The following LNP1 variants were observed in gnomAD, a reference collection of about 807,000 sequenced individuals.
LNP1 encodes the protein leukemia NUP98 fusion partner 1.
LNP1 carries 12 observed loss-of-function variants against 14.5 expected under a neutral mutation model. The ratio of observed to expected loss-of-function variants is 0.83; its 90% CI spans 0.53 to 1.34. LNP1 has a LOEUF of 1.34. Among genes scored for constraint, LNP1 ranks in the 40% most tolerant of loss-of-function variants. LNP1 has a pLI of 0.00. For synonymous variants in LNP1, 75 were observed against 71.4 expected (o/e 1.05, Z -0.26); for missense variants, 198 against 210.9 (o/e 0.94, Z 0.38).
Position 100,434,462 on chromosome 3 carries a change from T to C in LNP1, c.156+4577T>C, listed in dbSNP as rs574874347. On this transcript the variant is annotated intron_variant, in intron 2 of 3. Coordinates refer to ENST00000383693, the MANE Select transcript of LNP1 (RefSeq NM_001085451.2). ...GTACCTGTTACCTGTTACCATGCTG[T>C]TTTGGTTACTGTAGCCTTGTAGTAT... Among the ~76,000 whole-genome samples the C allele has an allele frequency of 2.2e-4, 33 of 152,278 alleles. No homozygotes were observed. In the South Asian group the frequency reaches 4.4e-3, roughly 20 times the overall value.
At chr3:100,430,113 A>T (rs1707228990) in intron 2 of LNP1, among the ~76,000 whole-genome samples, 1 of 152,112 alleles carries the variant, frequency 6.6e-6, no homozygotes, top group African/African-American at 2.4e-5. Context: ...GTTGTCTGAG[A>T]TATCTTTAAC....
At chr3:100,417,034 TG>T (rs1444499420) in intron 1 of LNP1, among the ~76,000 whole-genome samples, 1 of 152,164 alleles carries the variant, frequency 6.6e-6, no homozygotes, top group Non-Finnish European at 1.5e-5. Flanking sequence ...TATCTTTTTG[TG>T]TCTGTGCATA....
At chr3:100,417,654 C>A (rs1707099304) in intron 1 of LNP1, among the ~76,000 whole-genome samples, 1 of 152,110 alleles carries the variant, frequency 6.6e-6, no homozygotes, top group Non-Finnish European at 1.5e-5. Flanking sequence ...GCTGGGATTA[C>A]AGACGTGAGA....
intron 3 of LNP1, 119 bp from the exon 4 acceptor site, chr3:100,455,658 C>CATAATTATTTCTATTTAG: frequency 1.1e-6 from 1 of 938,102 alleles, no homozygotes; most frequent in Non-Finnish European, 1.7e-6. Flanking sequence ...TTTCTAGAAA[C>CATAATTATTTCTATTTAG]CAAGAGGTGG....
intron 1 of LNP1, among the ~76,000 whole-genome samples, chr3:100,422,327 G>A (rs761580642): frequency 6.6e-6 from 1 of 152,024 alleles, no homozygotes; most frequent in East Asian, 1.9e-4. Context: ...GGGACTATAG[G>A]CACCTGCCAC....
chr3:100,410,766 G>A (rs2148899092), intron 1 of LNP1, among the ~76,000 whole-genome samples: 1 of 152,294 alleles, frequency 6.6e-6, no homozygotes, highest in Non-Finnish European at 1.5e-5. Context: ...GATTTTACAG[G>A]ATGGGACCAT....
rs754464918 is a variant in LNP1 at position 100,402,386 on chromosome 3, AT to A, written c.-86del. 1.3e-5 allele frequency: 2 copies of A among 152,274 alleles called. No individual in the cohort carries two copies. The highest frequency in any genetic ancestry group is 2.4e-5 in the African/African-American group (1 of 41,480). 9.4% of individuals were successfully genotyped at this position (152,274 alleles called of 1,614,324 possible). ...GTGGCACCAGAATGGACTGATTAAA[AT>A]AGAATGGCCTAATTGGAAAGAATTT... On this transcript the variant is annotated 5_prime_UTR_variant, in exon 1 of 4. Transcript: ENST00000383693.
intron 2 of LNP1, among the ~76,000 whole-genome samples, chr3:100,438,580 C>T (rs918838602): frequency 3.9e-5 from 6 of 152,170 alleles, no homozygotes; most frequent in Non-Finnish European, 8.8e-5. Context: ...TAGTGGCATA[C>T]AGAATAGTTT....
intron 1 of LNP1, among the ~76,000 whole-genome samples, chr3:100,409,844 C>T (rs56956506): frequency 2.3e-4 from 35 of 151,524 alleles, no homozygotes; most frequent in African/African-American, 6.8e-4. Context: ...ATCTACCCAC[C>T]GCAGCCTCCC....
In LNP1 at chr3:100,401,737, T is replaced by A. The variant is rs1390600289; in HGVS notation, c.-736T>A. ...AGCGAGATTTTAGTTTGGACGAATT[T>A]GAGGTTATAGGGGAGATAGCGATGG... is the stretch of plus-strand genomic sequence containing the variant. On this transcript the variant is annotated 5_prime_UTR_variant, in exon 1 of 4. Coordinates refer to ENST00000383693, the MANE Select transcript of LNP1 (RefSeq NM_001085451.2). 2.6e-5 allele frequency: 4 copies of A among 152,238 alleles called. No homozygotes were observed. The highest frequency in any genetic ancestry group is 4.4e-5 in the Non-Finnish European group (3 of 68,054). The allele number at this position is 152,238 out of a possible 1,614,324, so 9.4% of individuals were successfully genotyped here.
chr3:100,432,807 T>A (rs1707254794), intron 2 of LNP1, among the ~76,000 whole-genome samples: 3 of 152,218 alleles, frequency 2.0e-5, no homozygotes. Flanking sequence ...CATCATCTCC[T>A]TCAGCTTAAC....
chr3:100,436,674 A>G (rs1324782143), intron 2 of LNP1, among the ~76,000 whole-genome samples: 4 of 152,048 alleles, frequency 2.6e-5, no homozygotes, highest in South Asian at 4.2e-4. Flanking sequence ...ATAATTGGTA[A>G]TTTTATATTG....
chr3:100,443,940 T>A (rs1393380959), intron 2 of LNP1, among the ~76,000 whole-genome samples: 1 of 152,222 alleles, frequency 6.6e-6, no homozygotes, highest in Non-Finnish European at 1.5e-5. Context: ...TAAAACCTAT[T>A]GTAAATAGCT....
rs912072229 is a variant in LNP1, at chr3:100,429,802, T to G, written c.73T>G (p.Trp25Gly). Reference protein sequence around the residue: ...KWMSSFWGHSWREEDQRGLRE... With the variant: ...KWMSSFWGHSGREEDQRGLRE... ...GATGAGCAGCTTCTGGGGCCACAGC[T>G]GGAGAGAGGAGGATCAGAGAGGACT... Residue 25 changes from tryptophan (W) to glycine (G), a missense_variant, in exon 2 of 4, where the codon TGG becomes GGG. Trp to Gly is a radical substitution (Grantham distance 184). Transcript: ENST00000383693. 3.7e-6 allele frequency: 6 copies of G among 1,613,682 alleles called. No individual in the cohort carries two copies. The African/African-American group carries it at 8.0e-5, about 22-fold the overall frequency.
intron 1 of LNP1, among the ~76,000 whole-genome samples, chr3:100,420,596 T>C (rs1208146839): frequency 6.6e-6 from 1 of 151,796 alleles, no homozygotes; most frequent in Non-Finnish European, 1.5e-5. Flanking sequence ...GGATTACAGG[T>C]GTGAGCCACC....
At chr3:100,451,265 T>A (rs1179436893) in intron 2 of LNP1, among the ~76,000 whole-genome samples, 1 of 152,160 alleles carries the variant, frequency 6.6e-6, no homozygotes, top group Non-Finnish European at 1.5e-5. Context: ...TTATACATTC[T>A]AGGGAGACAT....
intron 3 of LNP1, among the ~76,000 whole-genome samples, chr3:100,452,202 C>CTTTTTTT (rs1321009854): frequency 2.3e-5 from 3 of 129,318 alleles, no homozygotes; most frequent in African/African-American, 5.9e-5. Context: ...GTTTTTCTTT[C>CTTTTTTT]TTTTTTTTTT....
chr3:100,405,560 G>A (rs938360885), intron 1 of LNP1, among the ~76,000 whole-genome samples: 9 of 152,114 alleles, frequency 5.9e-5, no homozygotes, highest in Non-Finnish European at 1.5e-5. Context: ...TGCAAATTTG[G>A]TTTGTGTCCT....
At chr3:100,450,953 T>C (rs2148908484) in intron 2 of LNP1, among the ~76,000 whole-genome samples, 1 of 152,230 alleles carries the variant, frequency 6.6e-6, no homozygotes, top group Non-Finnish European at 1.5e-5. Context: ...CTTGACCAAA[T>C]TTTGGGAGAT....
Sources: gnomAD v4.1 joint callset for allele counts (sites outside exome capture counted in the v4.1 genomes callset) on GRCh38, gnomAD v4.1.1 for gene constraint, MANE v1.5 for transcripts, NCBI Gene and HGNC (gene_info 2026-07-23, HGNC 2026-07-21) for gene names.